Variants in GPATCH8 observed in about 807,000 individuals in gnomAD.
GPATCH8 encodes the protein G-patch domain containing 8, also known as G patch domain-containing protein 8.
In GPATCH8, 18 loss-of-function variants were observed where a neutral mutation model predicts 118.3. That is an observed-to-expected ratio of 0.15 (90% confidence interval 0.11 to 0.23). GPATCH8 has a LOEUF of 0.23. Ranked by LOEUF, GPATCH8 falls within the 10% of genes least tolerant of loss-of-function variation. The probability of loss-of-function intolerance (pLI) is 1.00; values close to 1 mark genes in which losing one functional copy is unlikely to be tolerated. For missense variants in GPATCH8, 1,631 were observed against 1,873.8 expected (o/e 0.87, Z 2.39); for synonymous variants, 659 against 684.7 (o/e 0.96, Z 0.59).
intron 2 of GPATCH8, among the ~76,000 whole-genome samples, chr17:44,466,443 A>C (rs1253644846): frequency 6.6e-6 from 1 of 152,198 alleles, no homozygotes; most frequent in Non-Finnish European, 1.5e-5. Flanking sequence ...TACCATTTGA[A>C]AGAATTAGAA....
At position 44,397,210 on chromosome 17, in the gene GPATCH8, T is replaced by G. The variant is rs2048809943; in HGVS notation, c.*358A>C. On this transcript the variant is annotated 3_prime_UTR_variant, in exon 8 of 8. Transcript: ENST00000591680. The stretch of plus-strand genomic sequence containing the variant: ...CTGGCCAGAGGGGAGGAAAATGTTT[T>G]AAAATTTACAGAAGGGAAGAGCAGA... The G allele has an allele frequency of 2.1e-6, 1 of 475,438 alleles. No homozygotes were observed. Among genetic ancestry groups the G allele is most frequent in the Non-Finnish European group, 4.1e-6 (1 of 241,494 alleles). The allele number at this position is 475,438 out of a possible 1,614,324, so 29.5% of individuals were successfully genotyped here. A position where few individuals can be genotyped will look rare whatever the true frequency, so the allele number is the denominator to read the frequency against.
At chr17:44,479,793 C>G (rs2144403671) in intron 1 of GPATCH8, among the ~76,000 whole-genome samples, 1 of 151,710 alleles carries the variant, frequency 6.6e-6, no homozygotes. Flanking sequence ...ATGGTGAAAC[C>G]CTGTCTCTAC....
chr17:44,416,379 A>G (rs551960755), intron 6 of GPATCH8, among the ~76,000 whole-genome samples: 3 of 152,270 alleles, frequency 2.0e-5, no homozygotes, highest in South Asian at 4.1e-4. Flanking sequence ...CTCCCAACAT[A>G]AGCAGAGGGG....
At chr17:44,406,492 T>C (rs1483365034) in intron 6 of GPATCH8, among the ~76,000 whole-genome samples, 1 of 5,838 alleles carries the variant, frequency 1.7e-4, no homozygotes. Flanking sequence ...ATGTACAGCT[T>C]ACATGGGGGG....
chr17:44,462,633 G>A (rs951557279), intron 3 of GPATCH8, among the ~76,000 whole-genome samples: 1 of 152,160 alleles, frequency 6.6e-6, no homozygotes, highest in Non-Finnish European at 1.5e-5. Context: ...TCTCCCATGT[G>A]TCACCAGTCA....
chr17:44,483,783 A>G (rs563639920), intron 1 of GPATCH8, among the ~76,000 whole-genome samples: 2 of 151,988 alleles, frequency 1.3e-5, no homozygotes, highest in Non-Finnish European at 2.9e-5. Flanking sequence ...CTGGTATTAC[A>G]AGCATGCACT....
intron 1 of GPATCH8, among the ~76,000 whole-genome samples, chr17:44,484,702 G>A (rs1968635944): frequency 1.3e-5 from 2 of 152,036 alleles, no homozygotes; most frequent in South Asian, 4.1e-4. Flanking sequence ...GTCACTTTAG[G>A]CTTCTTTTGG....
At chr17:44,452,840 T>C (rs1007272165) in intron 3 of GPATCH8, among the ~76,000 whole-genome samples, 1 of 151,944 alleles carries the variant, frequency 6.6e-6, no homozygotes, top group Non-Finnish European at 1.5e-5. Flanking sequence ...TTTTTTTTTT[T>C]CTGAGATAGG....
chr17:44,419,659 A>ATT (rs112751479), intron 6 of GPATCH8, among the ~76,000 whole-genome samples: 5 of 147,302 alleles, frequency 3.4e-5, no homozygotes, highest in Admixed American at 6.7e-5. Context: ...CATCAGGGTA[A>ATT]TTTTTTTTTT....
intron 1 of GPATCH8, chr17:44,486,531 T>C (rs1450013984): frequency 2.0e-5 from 3 of 152,222 alleles, no homozygotes; most frequent in African/African-American, 7.2e-5. Flanking sequence ...TACCTCTAAA[T>C]ATGTCATCTA....
At chr17:44,481,042 C>T (rs1167823497) in intron 1 of GPATCH8, among the ~76,000 whole-genome samples, 1 of 152,062 alleles carries the variant, frequency 6.6e-6, no homozygotes, top group Admixed American at 6.6e-5. Context: ...TCCCGAGTAG[C>T]TGGGACTAGA....
Position 44,453,498 on chromosome 17 carries a change from G to T in GPATCH8, c.193+10974C>A, listed in dbSNP as rs78605822. 3.8e-3 allele frequency among the ~76,000 whole-genome samples: 492 copies of T among 130,154 alleles called. 8 individuals are homozygous for T. Among genetic ancestry groups the T allele is most frequent in the Middle Eastern group, 7.6e-3 (2 of 262 alleles). 85.4% of individuals were successfully genotyped at this position (130,154 alleles called of 152,430 possible). A position where few individuals can be genotyped will look rare whatever the true frequency, so the allele number is the denominator to read the frequency against. The stretch of plus-strand genomic sequence containing the variant: ...CTAGTTGTAGGTAGGTAGGTAGGTA[G>T]GGGTGTGTGTGTGTGTGTGTGTGTG... On this transcript the variant is annotated intron_variant, in intron 3 of 7. Transcript: ENST00000591680.
rs370765805 is a variant in GPATCH8 at position 44,398,631 on chromosome 17, C to T, written c.3446G>A (p.Gly1149Glu). ...LGNKPVLPLI[G>E]KLPATRKPNK... ...GGGCTTTCGGGTAGCTGGGAGCTTCCCTATCAGTGGAAGGACAGGCTTATT... is the reference window on the plus strand; with the variant it reads ...GGGCTTTCGGGTAGCTGGGAGCTTCTCTATCAGTGGAAGGACAGGCTTATT... The change falls in exon 8 of 8, where the codon GGG (glycine) becomes GAG (glutamate). Residue 1149 changes from glycine to glutamate, a missense_variant. Gly to Glu is a moderately conservative substitution (Grantham distance 98). Coordinates refer to ENST00000591680, the MANE Select transcript of GPATCH8 (RefSeq NM_001002909.4). 6 of 1,547,122 alleles carry T rather than the reference C, an allele frequency of 3.9e-6. No homozygotes were observed. Among genetic ancestry groups the T allele is most frequent in the Non-Finnish European group, 5.2e-6 (6 of 1,149,538 alleles).
Position 44,424,485 on chromosome 17 carries a change from A to G in GPATCH8, c.356T>C (p.Val119Ala), listed in dbSNP as rs767466209. 6.2e-7 allele frequency: 1 copy of G among 1,607,360 alleles called. No individual in the cohort carries two copies. The highest frequency in any genetic ancestry group is 8.5e-7 in the Non-Finnish European group (1 of 1,174,030). The change falls in exon 6 of 8, where the codon GTT becomes GCT. Residue 119 changes from valine (V) to alanine (A), a missense_variant. Val to Ala is a moderately conservative substitution (Grantham distance 64). This residue lies in a region of GPATCH8 where 81 missense variants were observed against 227.6 expected (regional missense o/e 0.36). Transcript: ENST00000591680. Reference protein sequence around the residue: ...EELRQKYKDYVDKEKAIAKAL... With the variant: ...EELRQKYKDYADKEKAIAKAL... Reference sequence around the variant, plus strand: ...TTTGGCAATTGCCTTCTCTTTGTCAACATAATCCTTCAAGACCCATGAAAT... The same window carrying G: ...TTTGGCAATTGCCTTCTCTTTGTCAGCATAATCCTTCAAGACCCATGAAAT...
chr17:44,398,054 C>T lies in GPATCH8; in HGVS notation c.4023G>A (p.Lys1341=). Residue 1341 remains lysine, a synonymous_variant, in exon 8 of 8, where the codon AAG becomes AAA. Coordinates refer to ENST00000591680, the MANE Select transcript of GPATCH8 (RefSeq NM_001002909.4). The stretch of plus-strand genomic sequence containing the variant: ...CCAGGGCAGCTGAGGCTGGAAAGGC[C>T]TTTACTTGCTTGGCCAGAAGCTGCT... ...IQQQLLAKQV[K]AFPASAALAP... The T allele has an allele frequency of 6.2e-7, 1 of 1,614,022 alleles. No individual in the cohort carries two copies. Among genetic ancestry groups the T allele is most frequent in the Non-Finnish European group, 8.5e-7 (1 of 1,179,934 alleles).
chr17:44,480,846 G>C (rs1453178693), intron 1 of GPATCH8, among the ~76,000 whole-genome samples: 2 of 152,000 alleles, frequency 1.3e-5, no homozygotes, highest in Non-Finnish European at 2.9e-5. Context: ...ACTCCAACCT[G>C]GGTGACAGAG....
At chr17:44,444,466 G>A (rs1425225766) in intron 3 of GPATCH8, among the ~76,000 whole-genome samples, 1 of 151,666 alleles carries the variant, frequency 6.6e-6, no homozygotes, top group Non-Finnish European at 1.5e-5. Flanking sequence ...AAACAGTTAA[G>A]TCTTTAGTTT....
intron 1 of GPATCH8, among the ~76,000 whole-genome samples, chr17:44,499,703 T>C (rs1969919762): frequency 6.6e-6 from 1 of 152,214 alleles, no homozygotes; most frequent in Non-Finnish European, 1.5e-5. Context: ...AAGTGTTGAT[T>C]ATCTTAAGTT....
At chr17:44,449,101 C>A (rs1258489122) in intron 3 of GPATCH8, among the ~76,000 whole-genome samples, 1 of 151,988 alleles carries the variant, frequency 6.6e-6, no homozygotes, top group Non-Finnish European at 1.5e-5. Context: ...CATGGTGAAA[C>A]CCTGTCTCTG....
Sources: allele counts gnomAD v4.1 joint callset (sites outside exome capture counted in the v4.1 genomes callset), GRCh38; gene constraint gnomAD v4.1.1; regional missense constraint gnomAD v4.1.1; transcripts MANE v1.5; gene names NCBI Gene and HGNC (gene_info 2026-07-23, HGNC 2026-07-21).